NCKAP5: variants seen among roughly 807,000 people sequenced by gnomAD.
The protein encoded by NCKAP5 is nck-associated protein 5.
A neutral mutation model predicts 167.0 loss-of-function variants in NCKAP5; 92 were observed. The observed-to-expected ratio is 0.55, with a 90% CI of 0.47 to 0.66. NCKAP5 has a LOEUF of 0.66. Among genes scored for constraint, NCKAP5 ranks in the 30% least tolerant of loss-of-function variants. The pLI is 0.00. For missense variants in NCKAP5, 2,378 were observed against 2,315.0 expected (o/e 1.03, Z -0.56); for synonymous variants, 891 against 877.4 (o/e 1.02, Z -0.27).
rs562101863 is a variant in NCKAP5 at position 132,858,409 on chromosome 2, G to A, written c.807+2083C>T. Among the ~76,000 whole-genome samples the A allele has an allele frequency of 3.3e-5, 5 of 152,238 alleles. No homozygotes were observed. In the East Asian group the frequency reaches 7.7e-4, roughly 24 times the overall value. Reference sequence around the variant, plus strand: ...TTATTTGTTCATTATTCCACTCAACGCATAATGACTGAGCATCCATAGGTG... The same window carrying A: ...TTATTTGTTCATTATTCCACTCAACACATAATGACTGAGCATCCATAGGTG... On this transcript the variant is annotated intron_variant, in intron 11 of 19. Coordinates refer to ENST00000409261, the MANE Select transcript of NCKAP5 (RefSeq NM_207363.3).
chr2:133,442,184 A>C (rs922310517), intron 3 of NCKAP5, among the ~76,000 whole-genome samples: 1 of 152,192 alleles, frequency 6.6e-6, no homozygotes, highest in Non-Finnish European at 1.5e-5. Flanking sequence ...AGTGGTTATA[A>C]GAGTCAGGTA....
At chr2:132,855,805 T>G (rs1689420502) in intron 11 of NCKAP5, among the ~76,000 whole-genome samples, 1 of 152,196 alleles carries the variant, frequency 6.6e-6, no homozygotes. Flanking sequence ...TTGTCTCACT[T>G]CAACTACATA....
chr2:133,307,579 C>T (rs1283676524), intron 3 of NCKAP5, among the ~76,000 whole-genome samples: 2 of 152,174 alleles, frequency 1.3e-5, no homozygotes, highest in African/African-American at 2.4e-5. Flanking sequence ...AGCTCCATAG[C>T]TTCCAGCCAC....
intron 3 of NCKAP5, among the ~76,000 whole-genome samples, chr2:133,444,539 T>G (rs1363481521): frequency 6.9e-6 from 1 of 145,512 alleles, no homozygotes. Context: ...AAACAAGAGG[T>G]TAGTGAACCC....
chr2:133,545,917 G>A (rs1426405825), intron 2 of NCKAP5, among the ~76,000 whole-genome samples: 1 of 151,962 alleles, frequency 6.6e-6, no homozygotes, highest in Non-Finnish European at 1.5e-5. Flanking sequence ...GATTGATACC[G>A]TTTGCTAAAA....
intron 3 of NCKAP5, among the ~76,000 whole-genome samples, chr2:133,409,395 T>A (rs547068745): frequency 6.6e-6 from 1 of 152,202 alleles, no homozygotes; most frequent in Non-Finnish European, 1.5e-5. Flanking sequence ...TTTGTAGGCA[T>A]TGGGCAATTA....
chr2:132,676,283 C>CTTTTTTTT (rs61213029), intron 19 of NCKAP5, among the ~76,000 whole-genome samples: 1 of 61,164 alleles, frequency 1.6e-5, no homozygotes, highest in Non-Finnish European at 2.8e-5. Context: ...TTGTTTTATC[C>CTTTTTTTT]TTTTTTTTTT....
chr2:133,319,171 C>G (rs185984940), intron 3 of NCKAP5, among the ~76,000 whole-genome samples: 2,896 of 150,486 alleles, frequency 0.019, 89 homozygotes, highest in African/African-American at 0.068. Flanking sequence ...CCTTCCACCC[C>G]CTGCATTTTC....
chr2:132,835,270 TTCTC>T (rs1171156960), intron 11 of NCKAP5, among the ~76,000 whole-genome samples: 1 of 152,152 alleles, frequency 6.6e-6, no homozygotes, highest in Non-Finnish European at 1.5e-5. Context: ...TGGTCTATAG[TTCTC>T]TCTTTTTTTG....
rs1198869276 is a variant in NCKAP5, at chr2:132,994,156, T to C, written c.425A>G (p.Tyr142Cys). 6 of 1,567,810 alleles carry C rather than the reference T, an allele frequency of 3.8e-6. No homozygotes were observed. Among genetic ancestry groups the C allele is most frequent in the African/African-American group, 1.4e-5 (1 of 74,002 alleles). ...KKEETVNIMV[Y>C]QEKLSEEERK... is the part of the protein sequence containing the mutation. The stretch of plus-strand genomic sequence containing the variant: ...AGAATAATAAACATGGTGTACCTGA[T>C]AGACCATTATATTAACAGTTTCTTC... Residue 142 changes from tyrosine to cysteine, a missense_variant, in exon 7 of 20, where the codon TAT (tyrosine) becomes TGT (cysteine). Tyr to Cys is a radical substitution (Grantham distance 194). Coordinates refer to ENST00000409261, the MANE Select transcript of NCKAP5 (RefSeq NM_207363.3).
chr2:132,924,929 A>G (rs771618926), intron 8 of NCKAP5, among the ~76,000 whole-genome samples: 1 of 152,118 alleles, frequency 6.6e-6, no homozygotes, highest in Non-Finnish European at 1.5e-5. Context: ...GCTAAGGGTG[A>G]AAAAATAGAG....
In NCKAP5 at chr2:133,455,271, C is replaced by T. The variant is rs114390351; in HGVS notation, c.69+62187G>A. On this transcript the variant is annotated intron_variant, in intron 3 of 19. Coordinates refer to ENST00000409261, the MANE Select transcript of NCKAP5 (RefSeq NM_207363.3). ...GATACATCTCGATGAAGTTTATGCC[C>T]ATTTCATCCCTTTCAAAGTTTAAGG... Among the ~76,000 whole-genome samples, 1,026 of 152,138 alleles carry T rather than the reference C, an allele frequency of 6.7e-3. 13 individuals carry two copies. The highest frequency in any genetic ancestry group is 0.023 in the African/African-American group (967 of 41,520).
intron 9 of NCKAP5, among the ~76,000 whole-genome samples, chr2:132,873,975 G>C (rs1691047287): frequency 6.6e-6 from 1 of 152,030 alleles, no homozygotes; most frequent in African/African-American, 2.4e-5. Flanking sequence ...ACAAATACAG[G>C]GACTGCCTCC....
intron 10 of NCKAP5, among the ~76,000 whole-genome samples, chr2:132,863,170 AT>A (rs1203687816): frequency 6.6e-6 from 1 of 152,160 alleles, no homozygotes; most frequent in East Asian, 1.9e-4. Context: ...TCTCATGCTG[AT>A]TTTTGTTCTT....
the NCKAP5 span, among the ~76,000 whole-genome samples, chr2:133,578,998 G>C: frequency 6.6e-6 from 1 of 152,272 alleles, no homozygotes; most frequent in Non-Finnish European, 1.5e-5. Context: ...TAGCAGCTTA[G>C]ACAATTAAAT....
intron 3 of NCKAP5, among the ~76,000 whole-genome samples, chr2:133,469,500 C>T (rs1313934262): frequency 6.6e-6 from 1 of 151,932 alleles, no homozygotes; most frequent in Non-Finnish European, 1.5e-5. Flanking sequence ...TGGAGTTGCT[C>T]TTCTCGAGGA....
intron 19 of NCKAP5, among the ~76,000 whole-genome samples, chr2:132,708,844 C>T (rs897633773): frequency 1.3e-4 from 20 of 151,950 alleles, no homozygotes; most frequent in Admixed American, 1.2e-3. Flanking sequence ...TATGTAATAC[C>T]AATGTCTTTT....
chr2:133,652,358 C>T, the NCKAP5 span, among the ~76,000 whole-genome samples: 18 of 152,214 alleles, frequency 1.2e-4, 1 homozygote, highest in Non-Finnish European at 1.2e-4. Flanking sequence ...TAAGAAAGAA[C>T]ACAGAGTTCT....
At chr2:132,972,315 C>T (rs1285714270) in intron 7 of NCKAP5, among the ~76,000 whole-genome samples, 1 of 152,198 alleles carries the variant, frequency 6.6e-6, no homozygotes, top group Non-Finnish European at 1.5e-5. Context: ...ATGGTATTAA[C>T]AGCCTGTAAC....
Sources: gnomAD v4.1 joint callset for allele counts (sites outside exome capture counted in the v4.1 genomes callset) on GRCh38, gnomAD v4.1.1 for gene constraint, MANE v1.5 for transcripts, NCBI Gene and HGNC (gene_info 2026-07-23, HGNC 2026-07-21) for gene names.